ZNF385D: variants seen among roughly 807,000 people sequenced by gnomAD.
The protein encoded by ZNF385D is zinc finger protein 385D.
In ZNF385D, 15 loss-of-function variants were observed where a neutral mutation model predicts 35.8. That is an observed-to-expected ratio of 0.42 (90% confidence interval 0.28 to 0.64). The LOEUF (loss-of-function observed/expected upper bound fraction) is 0.64, where lower values mean the gene tolerates loss of function less well. Ranked by LOEUF, ZNF385D falls within the 30% of genes least tolerant of loss-of-function variation. The probability of loss-of-function intolerance (pLI) is 0.23; values close to 1 mark genes in which losing one functional copy is unlikely to be tolerated. For missense variants in ZNF385D, 474 were observed against 494.6 expected (o/e 0.96, Z 0.39); for synonymous variants, 212 against 186.8 (o/e 1.13, Z -1.10).
At chr3:22,011,215 A>T (rs1382077996) in intron 3 of ZNF385D, among the ~76,000 whole-genome samples, 2 of 152,180 alleles carry the variant, frequency 1.3e-5, no homozygotes, top group Non-Finnish European at 2.9e-5. Context: ...CAAAAAAGCC[A>T]CCAATGAGAG....
intron 4 of ZNF385D, among the ~76,000 whole-genome samples, chr3:21,472,660 G>C (rs67827541): frequency 1.3e-5 from 2 of 151,880 alleles, no homozygotes; most frequent in East Asian, 1.9e-4. Flanking sequence ...TTGTAACAAA[G>C]AGCTGAGTCT....
At chr3:21,633,114 T>A (rs1487412040) in intron 2 of ZNF385D, among the ~76,000 whole-genome samples, 1 of 152,062 alleles carries the variant, frequency 6.6e-6, no homozygotes, top group Non-Finnish European at 1.5e-5. Flanking sequence ...TTTTTAGCTA[T>A]CATAATCTGA....
At chr3:22,313,635 T>A (rs757275495) in intron 2 of ZNF385D, among the ~76,000 whole-genome samples, 22 of 152,120 alleles carry the variant, frequency 1.4e-4, no homozygotes, top group Non-Finnish European at 2.1e-4. Context: ...GATACAAGTG[T>A]ATAATTCATA....
intron 3 of ZNF385D, among the ~76,000 whole-genome samples, chr3:21,793,247 T>G (rs2072001991): frequency 6.6e-6 from 1 of 152,214 alleles, no homozygotes; most frequent in Non-Finnish European, 1.5e-5. Flanking sequence ...TGCTTTGGGT[T>G]CCTCGTTTAT....
intron 2 of ZNF385D, among the ~76,000 whole-genome samples, chr3:22,337,878 C>T (rs1215351296): frequency 6.6e-6 from 1 of 152,192 alleles, no homozygotes; most frequent in Admixed American, 6.5e-5. Flanking sequence ...ATGACTGGAA[C>T]GTGGTCTGCA....
At chr3:22,008,490 G>A (rs1441718219) in intron 3 of ZNF385D, among the ~76,000 whole-genome samples, 1 of 151,814 alleles carries the variant, frequency 6.6e-6, no homozygotes, top group South Asian at 2.1e-4. Flanking sequence ...AGTAGTAGCT[G>A]GGACTACAGG....
At chr3:22,247,604 C>A (rs1699851543) in intron 2 of ZNF385D, among the ~76,000 whole-genome samples, 1 of 142,606 alleles carries the variant, frequency 7.0e-6, no homozygotes, top group Admixed American at 6.9e-5. Context: ...TATATACCAA[C>A]CATTTTACAA....
At chr3:21,956,780 G>A (rs1255508304) in intron 3 of ZNF385D, among the ~76,000 whole-genome samples, 1 of 151,628 alleles carries the variant, frequency 6.6e-6, no homozygotes, top group Non-Finnish European at 1.5e-5. Context: ...GACTGCAGGG[G>A]CCAATCTAAG....
intron 2 of ZNF385D, among the ~76,000 whole-genome samples, chr3:22,255,278 C>CG (rs1286858075): frequency 8.6e-5 from 13 of 151,374 alleles, no homozygotes; most frequent in African/African-American, 1.7e-4. Flanking sequence ...TATTCCCCCC[C>CG]CCAAAATTGT....
At chr3:21,645,293 G>A (rs920586375) in intron 2 of ZNF385D, among the ~76,000 whole-genome samples, 2 of 152,124 alleles carry the variant, frequency 1.3e-5, no homozygotes, top group African/African-American at 4.8e-5. Flanking sequence ...CAGTTGTTGA[G>A]AGGGGGTGGC....
At chr3:22,333,498 T>A (rs1278750099) in intron 2 of ZNF385D, among the ~76,000 whole-genome samples, 1 of 152,160 alleles carries the variant, frequency 6.6e-6, no homozygotes, top group African/African-American at 2.4e-5. Flanking sequence ...TTGGATCGTA[T>A]AATTCCTATT....
At chr3:21,823,283 C>G (rs1407924074) in intron 3 of ZNF385D, among the ~76,000 whole-genome samples, 2 of 152,152 alleles carry the variant, frequency 1.3e-5, no homozygotes, top group African/African-American at 4.8e-5. Flanking sequence ...CACATATCAT[C>G]TTGGACAATT....
chr3:21,702,965 T>C (rs532126631), intron 1 of ZNF385D, among the ~76,000 whole-genome samples: 17 of 152,328 alleles, frequency 1.1e-4, no homozygotes, highest in African/African-American at 4.1e-4. Context: ...CCTACTTTTC[T>C]ATATTCTTCT....
intron 3 of ZNF385D, among the ~76,000 whole-genome samples, chr3:21,860,585 T>C (rs1354062024): frequency 6.6e-6 from 1 of 152,156 alleles, no homozygotes; most frequent in Non-Finnish European, 1.5e-5. Context: ...ATGAAAGTGC[T>C]CCTGGGACAG....
At chr3:21,662,671 C>T (rs1049368985) in intron 2 of ZNF385D, among the ~76,000 whole-genome samples, 2 of 152,104 alleles carry the variant, frequency 1.3e-5, no homozygotes, top group Non-Finnish European at 2.9e-5. Flanking sequence ...TATACCTTGA[C>T]CATCACTGGA....
At chr3:21,974,380 A>G (rs1703462144) in intron 3 of ZNF385D, among the ~76,000 whole-genome samples, 1 of 152,138 alleles carries the variant, frequency 6.6e-6, no homozygotes, top group Non-Finnish European at 1.5e-5. Flanking sequence ...TATACAAAAG[A>G]ATAAAACTAG....
At chr3:21,436,848 T>G (rs978379072) in intron 5 of ZNF385D, 122 bp downstream of exon 5, 1 of 919,064 alleles carries the variant, frequency 1.1e-6, no homozygotes. Flanking sequence ...TGGTTAATGA[T>G]TTCCATGTAA....
In ZNF385D at chr3:22,131,939, C is replaced by A. The variant is rs201766126; in HGVS notation, c.325+36878G>T. On this transcript the variant is annotated intron_variant, in intron 3 of 5. Transcript: ENST00000494108. Reference sequence around the variant, plus strand: ...TGATGCTAATGAATTTAAAATAAAACAAGCCAGTATGGAAGTCTGAACAAA... The same window carrying A: ...TGATGCTAATGAATTTAAAATAAAAAAAGCCAGTATGGAAGTCTGAACAAA... Among the ~76,000 whole-genome samples, 4 of 152,242 alleles carry A rather than the reference C, an allele frequency of 2.6e-5. No homozygotes were observed. In the East Asian group the frequency reaches 7.7e-4, roughly 29 times the overall value.
chr3:22,187,054 AG>A (rs771882183), intron 2 of ZNF385D, among the ~76,000 whole-genome samples: 1 of 152,154 alleles, frequency 6.6e-6, no homozygotes, highest in African/African-American at 2.4e-5. Flanking sequence ...CTTTAGACTC[AG>A]GGCGTAATGA....
Sources: allele counts gnomAD v4.1 joint callset (sites outside exome capture counted in the v4.1 genomes callset), GRCh38; gene constraint gnomAD v4.1.1; transcripts MANE v1.5; gene names NCBI Gene and HGNC (gene_info 2026-07-23, HGNC 2026-07-21).